KIF6: variants seen among roughly 807,000 people sequenced by gnomAD.
KIF6 encodes kinesin-like protein KIF6.
Under a neutral mutation model 112.7 loss-of-function variants are expected in KIF6, and 106 were observed. The observed-to-expected ratio is 0.94, with a 90% CI of 0.80 to 1.11. The LOEUF (loss-of-function observed/expected upper bound fraction) is 1.11. Ranked by LOEUF, KIF6 falls within the 50% of genes least tolerant of loss-of-function variation. The pLI is 0.00. For synonymous variants in KIF6, 339 were observed against 339.9 expected, an observed-to-expected ratio of 1.00 and a Z score of 0.03; for missense variants, 929 against 964.0, an observed-to-expected ratio of 0.96 and a Z score of 0.48.
At chr6:39,347,826 G>A (rs956175843) in intron 19 of KIF6, among the ~76,000 whole-genome samples, 4 of 152,258 alleles carry the variant, frequency 2.6e-5, no homozygotes, top group Non-Finnish European at 5.9e-5. Flanking sequence ...TGGCAAGGCT[G>A]CTTCCATAGG....
intron 16 of KIF6, among the ~76,000 whole-genome samples, chr6:39,367,966 T>C (rs1157992244): frequency 6.6e-6 from 1 of 152,144 alleles, no homozygotes; most frequent in Non-Finnish European, 1.5e-5. Flanking sequence ...GTGATTCCAA[T>C]GCTCACCCCT....
At chr6:39,409,407 T>G (rs1022853476) in intron 15 of KIF6, among the ~76,000 whole-genome samples, 1 of 152,208 alleles carries the variant, frequency 6.6e-6, no homozygotes, top group East Asian at 1.9e-4. Flanking sequence ...GTTCATGAGA[T>G]GCCTCATCAG....
At position 39,667,480 on chromosome 6, in the gene KIF6, C is replaced by T. The variant is rs572841123; in HGVS notation, c.252-27723G>A. ...GCAAATCACACCCACCTAATCCACT[C>T]GGACTCATACACTAATCTCCCTTGG... On this transcript the variant is annotated intron_variant, in intron 3 of 22. Coordinates refer to ENST00000287152, the MANE Select transcript of KIF6 (RefSeq NM_145027.6). Among the ~76,000 whole-genome samples, 5 of 152,236 alleles carry T rather than the reference C, an allele frequency of 3.3e-5. No individual in the cohort carries two copies. The East Asian group carries it at 7.7e-4, about 24-fold the overall frequency.
intron 12 of KIF6, among the ~76,000 whole-genome samples, chr6:39,540,620 C>T (rs368025691): frequency 2.6e-5 from 4 of 152,350 alleles, no homozygotes; most frequent in South Asian, 4.1e-4. Flanking sequence ...GGCGAGCACG[C>T]GCCTGCTCGG....
intron 3 of KIF6, among the ~76,000 whole-genome samples, chr6:39,707,314 G>A (rs1034425038): frequency 8.5e-5 from 13 of 152,154 alleles, no homozygotes; most frequent in African/African-American, 2.7e-4. Flanking sequence ...GTATCTGGAC[G>A]GAGTAAGGCA....
At chr6:39,496,950 T>A (rs1312417661) in intron 13 of KIF6, among the ~76,000 whole-genome samples, 1 of 152,230 alleles carries the variant, frequency 6.6e-6, no homozygotes, top group African/African-American at 2.4e-5. Context: ...CATGCTAGAT[T>A]AATTGCTTGG....
intron 9 of KIF6, 54 bp from the exon 10 acceptor site, chr6:39,578,213 G>T: frequency 1.7e-6 from 2 of 1,166,426 alleles, no homozygotes; most frequent in Non-Finnish European, 2.6e-6. Flanking sequence ...AGGTGAACTT[G>T]GTGACAGAGA....
At chr6:39,524,309 A>G (rs1777581507) in intron 13 of KIF6, among the ~76,000 whole-genome samples, 2 of 152,154 alleles carry the variant, frequency 1.3e-5, no homozygotes, top group African/African-American at 2.4e-5. Flanking sequence ...AGATTACATA[A>G]TTCCTATACT....
At chr6:39,583,570 C>CA (rs531941470) in intron 9 of KIF6, 22 of 447,312 alleles carry the variant, frequency 4.9e-5, no homozygotes, top group African/African-American at 3.7e-4. Flanking sequence ...GGAGAAAGGA[C>CA]AAACAATCAA....
chr6:39,397,815 C>T (rs1432710307), intron 15 of KIF6, among the ~76,000 whole-genome samples: 1 of 152,062 alleles, frequency 6.6e-6, no homozygotes, highest in Non-Finnish European at 1.5e-5. Flanking sequence ...AGCGGGAAAT[C>T]AGAAGGTGTG....
chr6:39,505,527 T>A (rs1444443412), intron 13 of KIF6, among the ~76,000 whole-genome samples: 1 of 152,230 alleles, frequency 6.6e-6, no homozygotes, highest in African/African-American at 2.4e-5. Context: ...AAACAGCTTC[T>A]GCACAGCAAA....
At position 39,615,257 on chromosome 6, in the gene KIF6, G is replaced by A. The variant is rs181220047; in HGVS notation, c.510-1939C>T. On this transcript the variant is annotated intron_variant, in intron 5 of 22. Transcript: ENST00000287152. ...CCTTTGTCAGCATGAAGTCAAAAAC[G>A]AATTATCTAACTCTAAGGCAAAGTC... Among the ~76,000 whole-genome samples the A allele has an allele frequency of 1.6e-3, 246 of 151,972 alleles. 1 individual carries two copies. Among genetic ancestry groups the A allele is most frequent in the Non-Finnish European group, 2.8e-3 (189 of 67,962 alleles).
chr6:39,445,842 G>A (rs146522456), intron 13 of KIF6, among the ~76,000 whole-genome samples: 1 of 152,328 alleles, frequency 6.6e-6, no homozygotes, highest in East Asian at 1.9e-4. Context: ...GCTTGGCATG[G>A]AGACTGGCAG....
intron 22 of KIF6, among the ~76,000 whole-genome samples, chr6:39,337,028 C>T: frequency 7.6e-6 from 1 of 132,002 alleles, no homozygotes; most frequent in South Asian, 2.8e-4. Context: ...CCCTTCCTTC[C>T]TTTCTTTTCC....
At position 39,720,775 on chromosome 6, in the gene KIF6, T is replaced by C. The variant is rs114269617; in HGVS notation, c.103A>G (p.Ser35Gly). The change falls in exon 2 of 23, where the codon AGC (serine) becomes GGC (glycine). Residue 35 changes from serine to glycine, a missense_variant. Around this residue, in one of 2 missense-constraint regions of KIF6, gnomAD observed 688 missense variants for 662.7 expected, o/e 1.04. Coordinates refer to ENST00000287152, the MANE Select transcript of KIF6 (RefSeq NM_145027.6). Reference protein sequence around the residue: ...SIDEDEKLIPSLEIILPRDLA... With the variant: ...SIDEDEKLIPGLEIILPRDLA... ...TCACGTGGTAAGATGATTTCCAAGC[T>C]AGGTATTAATTTTTCATCTTCATCT... The C allele has an allele frequency of 2.2e-3, 3,560 of 1,605,054 alleles. 70 individuals carry two copies. The African/African-American group carries it at 0.038, about 17-fold the overall frequency.
At chr6:39,604,269 AC>A (rs1408966931) in intron 6 of KIF6, among the ~76,000 whole-genome samples, 1 of 152,150 alleles carries the variant, frequency 6.6e-6, no homozygotes, top group African/African-American at 2.4e-5. Context: ...CGAATCTGTT[AC>A]CTATTGGTTA....
At chr6:39,408,978 T>G (rs528066959) in intron 15 of KIF6, among the ~76,000 whole-genome samples, 107 of 152,184 alleles carry the variant, frequency 7.0e-4, no homozygotes, top group Non-Finnish European at 5.6e-4. Context: ...GCCTCTTTCC[T>G]TTATTGTCAG....
At chr6:39,535,259 C>A (rs1351081691) in intron 13 of KIF6, among the ~76,000 whole-genome samples, 3 of 152,182 alleles carry the variant, frequency 2.0e-5, no homozygotes, top group Non-Finnish European at 4.4e-5. Context: ...TTAAGAGACA[C>A]AGACTGGCAA....
At chr6:39,490,647 A>G (rs940545922) in intron 13 of KIF6, among the ~76,000 whole-genome samples, 2 of 152,218 alleles carry the variant, frequency 1.3e-5, no homozygotes, top group African/African-American at 4.8e-5. Flanking sequence ...GGTATGCTGG[A>G]GAAGTCAGAG....
Sources: gnomAD v4.1 joint callset for allele counts (sites outside exome capture counted in the v4.1 genomes callset) on GRCh38, gnomAD v4.1.1 for gene constraint, gnomAD v4.1.1 regional missense constraint, MANE v1.5 for transcripts, NCBI Gene and HGNC (gene_info 2026-07-23, HGNC 2026-07-21) for gene names.